NINJ2: variants seen among roughly 807,000 people sequenced by gnomAD.
NINJ2 encodes ninjurin-2.
In NINJ2, 12 loss-of-function variants were observed where a neutral mutation model predicts 11.7. The ratio of observed to expected loss-of-function variants is 1.02; its 90% confidence interval spans 0.66 to 1.66. NINJ2 has a LOEUF of 1.66. Ranked by LOEUF, NINJ2 falls within the 40% of genes most tolerant of loss-of-function variation. NINJ2 has a pLI of 0.00. For synonymous variants in NINJ2, 93 were observed against 76.8 expected, an observed-to-expected ratio of 1.21 and a Z score of -1.10; for missense variants, 187 against 181.8, an observed-to-expected ratio of 1.03 and a Z score of -0.16.
rs1267192684 is a variant in NINJ2 at position 580,579 on chromosome 12, C to T, written c.34-14401G>A. Among the ~76,000 whole-genome samples the T allele has an allele frequency of 2.6e-5, 2 of 77,712 alleles. No individual in the cohort carries two copies. The highest frequency in any genetic ancestry group is 2.5e-4 in the Admixed American group (2 of 8,006). 51.0% of individuals were successfully genotyped at this position (77,712 alleles called of 152,430 possible). On this transcript the variant is annotated intron_variant, in intron 1 of 3. Transcript: ENST00000305108. The surrounding 1 kb of genome is among the most constrained non-coding windows in gnomAD (Gnocchi z 4.7). ...TCCAGCCTGCATGACAGAGAGAGACCCTGTCTCAAAAAAAAAAAAATATAT... is the reference window on the plus strand; with the variant it reads ...TCCAGCCTGCATGACAGAGAGAGACTCTGTCTCAAAAAAAAAAAAATATAT...
At chr12:611,288 T>G (rs1483691748) in intron 1 of NINJ2, among the ~76,000 whole-genome samples, 1 of 151,164 alleles carries the variant, frequency 6.6e-6, no homozygotes, top group Non-Finnish European at 1.5e-5. Context: ...TCTCTTTCTT[T>G]CTCTTCCTTC....
chr12:566,810 ACT>A (rs1301020185), intron 1 of NINJ2, among the ~76,000 whole-genome samples: 1 of 152,030 alleles, frequency 6.6e-6, no homozygotes, highest in Non-Finnish European at 1.5e-5. Flanking sequence ...CTAGTTAAAC[ACT>A]CACATCATTT....
intron 1 of NINJ2, among the ~76,000 whole-genome samples, chr12:606,024 T>A (rs892915712): frequency 6.6e-6 from 1 of 152,172 alleles, no homozygotes; most frequent in Admixed American, 6.5e-5. Flanking sequence ...TAATAAGAAC[T>A]GTGTCTTATT....
chr12:642,988 G>T (rs1408689689), intron 1 of NINJ2: 1 of 150,048 alleles, frequency 6.7e-6, no homozygotes, highest in Non-Finnish European at 1.5e-5. Context: ...CTCCCCAGCT[G>T]GCCCGGCCGC....
chr12:604,636 CCAA>C (rs1376476930), intron 1 of NINJ2, among the ~76,000 whole-genome samples: 4 of 151,844 alleles, frequency 2.6e-5, no homozygotes, highest in East Asian at 1.9e-4. Flanking sequence ...AGACTCAGTC[CCAA>C]CAACAACAAC....
rs763695017 is a variant in NINJ2 at position 566,035 on chromosome 12, G to C, written c.177C>G (p.Ser59=). The change falls in exon 2 of 4, where the codon TCC becomes TCG. Residue 59 remains serine (S), a synonymous_variant. Transcript: ENST00000305108. The stretch of plus-strand genomic sequence containing the variant: ...TGACCAGGGTGGTGTAGTAGTGAGA[G>C]GATGGTCCCTGCTCCAGCACCGCCT... ...RLKAVLEQGP[S]SHYYTTLVTL... 6.2e-7 allele frequency: 1 copy of C among 1,614,214 alleles called. No homozygotes were observed. Among genetic ancestry groups the C allele is most frequent in the South Asian group, 1.1e-5 (1 of 91,080 alleles).
chr12:577,744 T>C (rs1020165305), intron 1 of NINJ2, among the ~76,000 whole-genome samples: 2 of 143,446 alleles, frequency 1.4e-5, no homozygotes, highest in Non-Finnish European at 3.0e-5. Flanking sequence ...TTTGTAGAGA[T>C]GGGGTCTCAC....
intron 1 of NINJ2, among the ~76,000 whole-genome samples, chr12:604,586 T>C (rs2535398): frequency 0.61 from 92,841 of 151,974 alleles, 28,777 homozygotes; most frequent in Middle Eastern, 0.71. Context: ...TGCAGTGAGC[T>C]GAGATGGCGC....
intron 1 of NINJ2, among the ~76,000 whole-genome samples, chr12:573,610 CA>C (rs1947410912): frequency 1.3e-5 from 2 of 151,886 alleles, no homozygotes; most frequent in Non-Finnish European, 2.9e-5. Context: ...AAAAAACAAA[CA>C]AACAAAAAAA....
intron 1 of NINJ2, among the ~76,000 whole-genome samples, chr12:638,459 A>G (rs1166339737): frequency 1.3e-5 from 2 of 152,238 alleles, no homozygotes; most frequent in African/African-American, 2.4e-5. Flanking sequence ...TCTGTCACCC[A>G]GGCTGGAGTG....
intron 1 of NINJ2, among the ~76,000 whole-genome samples, chr12:627,247 AT>A (rs1334913933): frequency 2.0e-5 from 3 of 152,308 alleles, no homozygotes; most frequent in Non-Finnish European, 2.9e-5. Context: ...TGCCTTTAGA[AT>A]TTTTATCATC....
chr12:644,693 T>A (rs888016809), intron 1 of NINJ2: 4 of 152,102 alleles, frequency 2.6e-5, no homozygotes, highest in Non-Finnish European at 4.4e-5. Context: ...CTGAAAAAAA[T>A]TTATTGACAC....
At chr12:620,479 G>A (rs928206851) in intron 1 of NINJ2, among the ~76,000 whole-genome samples, 2 of 152,234 alleles carry the variant, frequency 1.3e-5, no homozygotes, top group Non-Finnish European at 2.9e-5. Context: ...AATGCACAGA[G>A]GTGCTGCTAT....
rs531935459 is a variant in NINJ2 at position 649,296 on chromosome 12, C to T, written c.33+14032G>A. ...TCCTGACCTCAGGTGATCCGCCCAC[C>T]TTGGCCTCCCAAAGTGTTGGGATTA... On this transcript the variant is annotated intron_variant, in intron 1 of 3. Coordinates refer to ENST00000305108, the MANE Select transcript of NINJ2 (RefSeq NM_016533.6). 9.2e-5 allele frequency among the ~76,000 whole-genome samples: 14 copies of T among 152,102 alleles called. No individual in the cohort carries two copies. The East Asian group carries it at 2.7e-3, about 29-fold the overall frequency.
chr12:651,395 T>TAGA (rs1303601038), intron 1 of NINJ2, among the ~76,000 whole-genome samples: 2 of 152,222 alleles, frequency 1.3e-5, no homozygotes, highest in African/African-American at 4.8e-5. Context: ...GTGTGGGTAC[T>TAGA]AGACGCATTT....
At chr12:609,383 G>A (rs1329015679) in intron 1 of NINJ2, among the ~76,000 whole-genome samples, 1 of 152,202 alleles carries the variant, frequency 6.6e-6, no homozygotes, top group African/African-American at 2.4e-5. Context: ...GTAAAATGCA[G>A]AGCGGGCCTT....
At chr12:577,639 T>C (rs1232234017) in intron 1 of NINJ2, among the ~76,000 whole-genome samples, 4 of 151,624 alleles carry the variant, frequency 2.6e-5, no homozygotes, top group African/African-American at 7.3e-5. Context: ...GCCTGCGTTT[T>C]TCTCCTATAT....
intron 1 of NINJ2, chr12:646,016 A>T (rs988455349): frequency 1.3e-5 from 2 of 152,166 alleles, no homozygotes; most frequent in African/African-American, 4.8e-5. Flanking sequence ...TGGAGAATGG[A>T]AAACAAAATA....
At chr12:632,837 G>A (rs377159226) in intron 1 of NINJ2, among the ~76,000 whole-genome samples, 36 of 152,286 alleles carry the variant, frequency 2.4e-4, no homozygotes, top group African/African-American at 7.2e-4. Context: ...GGAAACTGAA[G>A]TTATAGCCCT....
Sources: allele counts gnomAD v4.1 joint callset (sites outside exome capture counted in the v4.1 genomes callset), GRCh38; gene constraint gnomAD v4.1.1; non-coding constraint Gnocchi (gnomAD v3.1); transcripts MANE v1.5; gene names NCBI Gene and HGNC (gene_info 2026-07-23, HGNC 2026-07-21).